Variants in AGFG1 observed in about 807,000 individuals in gnomAD.
AGFG1 encodes ArfGAP with FG repeats 1.
AGFG1 carries 10 observed loss-of-function variants against 60.6 expected under a neutral mutation model. The ratio of observed to expected loss-of-function variants is 0.16; its 90% CI spans 0.10 to 0.28. The LOEUF (loss-of-function observed/expected upper bound fraction) is 0.28. Among genes scored for constraint, AGFG1 ranks in the 10% least tolerant of loss-of-function variants. The probability of loss-of-function intolerance (pLI) is 1.00; values close to 1 mark genes in which losing one functional copy is unlikely to be tolerated. For synonymous variants in AGFG1, 247 were observed against 242.9 expected (o/e 1.02, Z -0.16); for missense variants, 537 against 676.5 (o/e 0.79, Z 2.29).
intron 2 of AGFG1, among the ~76,000 whole-genome samples, chr2:227,499,300 A>G (rs1447674678): frequency 6.6e-6 from 1 of 151,910 alleles, no homozygotes; most frequent in Non-Finnish European, 1.5e-5. Context: ...ATATCCACAC[A>G]TCGAGTGGTT....
At chr2:227,532,523 A>G (rs1692192860) in intron 6 of AGFG1, among the ~76,000 whole-genome samples, 2 of 152,178 alleles carry the variant, frequency 1.3e-5, no homozygotes, top group Admixed American at 1.3e-4. Flanking sequence ...CCTTTAATTG[A>G]AACCACCATG....
intron 2 of AGFG1, among the ~76,000 whole-genome samples, chr2:227,504,762 T>G (rs1228534069): frequency 2.6e-5 from 4 of 152,250 alleles, no homozygotes; most frequent in African/African-American, 9.6e-5. Context: ...CTGTAATTGA[T>G]TGCTGAGTTA....
At chr2:227,534,618 C>T (rs1345182457) in intron 7 of AGFG1, among the ~76,000 whole-genome samples, 1 of 152,078 alleles carries the variant, frequency 6.6e-6, no homozygotes, top group Non-Finnish European at 1.5e-5. Flanking sequence ...TTTTTTGGTA[C>T]AGAGTGTTAA....
At chr2:227,546,141 C>T (rs1353816676) in intron 10 of AGFG1, among the ~76,000 whole-genome samples, 5 of 152,206 alleles carry the variant, frequency 3.3e-5, no homozygotes, top group Non-Finnish European at 5.9e-5. Context: ...TGGGTTCCAC[C>T]TAGTTCAAGC....
chr2:227,518,255 C>T (rs6737495), intron 2 of AGFG1, among the ~76,000 whole-genome samples: 91,277 of 152,016 alleles, frequency 0.6, 27,464 homozygotes, highest in South Asian at 0.69. Flanking sequence ...AAAGCTGCTA[C>T]AAATATTTAT....
At chr2:227,542,500 G>A (rs1050874467) in intron 10 of AGFG1, among the ~76,000 whole-genome samples, 3 of 152,158 alleles carry the variant, frequency 2.0e-5, no homozygotes, top group African/African-American at 7.2e-5. Flanking sequence ...TGCATCCCAG[G>A]GGTGAAGCCA....
chr2:227,483,771 C>G (rs1349407641), intron 1 of AGFG1, among the ~76,000 whole-genome samples: 1 of 152,086 alleles, frequency 6.6e-6, no homozygotes, highest in Non-Finnish European at 1.5e-5. Flanking sequence ...AATGTTTATG[C>G]TCAAGTTTTT....
chr2:227,482,656 CAATT>C (rs1690503150), intron 1 of AGFG1, among the ~76,000 whole-genome samples: 1 of 152,168 alleles, frequency 6.6e-6, no homozygotes, highest in South Asian at 2.1e-4. Context: ...AGGAGAAAAA[CAATT>C]AATAAAACTA....
At chr2:227,523,288 A>G (rs934650670) in intron 3 of AGFG1, among the ~76,000 whole-genome samples, 3 of 152,204 alleles carry the variant, frequency 2.0e-5, no homozygotes, top group Admixed American at 6.5e-5. Context: ...TTCATTTAAA[A>G]TGGGATGATC....
intron 1 of AGFG1, among the ~76,000 whole-genome samples, chr2:227,485,162 C>T (rs147151711): frequency 9.1e-4 from 138 of 151,946 alleles, no homozygotes; most frequent in Non-Finnish European, 1.7e-3. Context: ...AAGTCTACTA[C>T]GAGCCAAATT....
At chr2:227,525,249 C>G (rs1327441048) in intron 5 of AGFG1, among the ~76,000 whole-genome samples, 4 of 152,164 alleles carry the variant, frequency 2.6e-5, no homozygotes, top group African/African-American at 9.7e-5. Flanking sequence ...AATCTTGTTT[C>G]ATTTGTCATT....
intron 5 of AGFG1, among the ~76,000 whole-genome samples, chr2:227,526,013 A>G (rs546559337): frequency 8.5e-5 from 13 of 152,326 alleles, no homozygotes; most frequent in African/African-American, 2.6e-4. Flanking sequence ...ATCAGATATC[A>G]GAATAATGAG....
chr2:227,489,257 G>A (rs1444383101), intron 1 of AGFG1, among the ~76,000 whole-genome samples: 1 of 119,910 alleles, frequency 8.3e-6, no homozygotes, highest in African/African-American at 3.3e-5. Flanking sequence ...TTGAGACGGA[G>A]TCTCAGTCTG....
In AGFG1 at chr2:227,559,226, A is replaced by T. The variant is rs1037392095; in HGVS notation, c.*4731A>T. 1.3e-5 allele frequency: 2 copies of T among 152,206 alleles called. No homozygotes were observed. Among genetic ancestry groups the T allele is most frequent in the Non-Finnish European group, 2.9e-5 (2 of 68,024 alleles). The allele number at this position is 152,206 out of a possible 1,614,324, so 9.4% of individuals were successfully genotyped here. On this transcript the variant is annotated 3_prime_UTR_variant, in exon 13 of 13. Coordinates refer to ENST00000310078, the MANE Select transcript of AGFG1 (RefSeq NM_004504.5). ...TGAATCCATCTTTTTGAAATGGGGC[A>T]TGTACTCTTAAGGTGGCCACTAGCT...
intron 2 of AGFG1, among the ~76,000 whole-genome samples, chr2:227,507,621 A>AC (rs1691362791): frequency 6.7e-6 from 1 of 150,206 alleles, no homozygotes; most frequent in Admixed American, 6.6e-5. Context: ...AAAAAAAAAA[A>AC]AAAAAGCGCC....
chr2:227,487,959 A>G (rs1293052019), intron 1 of AGFG1, among the ~76,000 whole-genome samples: 1 of 152,252 alleles, frequency 6.6e-6, no homozygotes, highest in Non-Finnish European at 1.5e-5. Context: ...TAAATGGAAT[A>G]TAAAAGAGCA....
At chr2:227,510,288 C>T (rs1009951631) in intron 2 of AGFG1, among the ~76,000 whole-genome samples, 1 of 152,028 alleles carries the variant, frequency 6.6e-6, no homozygotes, top group African/African-American at 2.4e-5. Context: ...ATCCACACCC[C>T]TGATTGTACC....
chr2:227,508,036 G>A (rs188538292), intron 2 of AGFG1, among the ~76,000 whole-genome samples: 2 of 151,062 alleles, frequency 1.3e-5, no homozygotes, highest in East Asian at 1.9e-4. Flanking sequence ...TGAGCCACCC[G>A]TGTATTCAGA....
At chr2:227,533,977 T>A (rs1692235427) in intron 7 of AGFG1, among the ~76,000 whole-genome samples, 1 of 152,194 alleles carries the variant, frequency 6.6e-6, no homozygotes, top group Non-Finnish European at 1.5e-5. Context: ...AAACTTTCAG[T>A]CTTACTAGTT....
Sources: gnomAD v4.1 joint callset for allele counts (sites outside exome capture counted in the v4.1 genomes callset) on GRCh38, gnomAD v4.1.1 for gene constraint, MANE v1.5 for transcripts, NCBI Gene and HGNC (gene_info 2026-07-23, HGNC 2026-07-21) for gene names.